Variants in YEATS2 observed in about 807,000 individuals in gnomAD.
YEATS2 encodes YEATS domain-containing protein 2.
YEATS2 carries 77 observed loss-of-function variants against 163.2 expected under a neutral mutation model. The observed-to-expected ratio is 0.47, with a 90% CI of 0.39 to 0.57. The LOEUF is 0.57. Ranked by LOEUF, YEATS2 falls within the 20% of genes least tolerant of loss-of-function variation. The pLI is 0.00. For synonymous variants in YEATS2, 631 were observed against 645.1 expected (o/e 0.98, Z 0.33); for missense variants, 1,549 against 1,729.8 (o/e 0.90, Z 1.85).
chr3:183,800,372 A>T, intron 23 of YEATS2, 94 bp from the exon 24 acceptor site: 3 of 855,106 alleles, frequency 3.5e-6, no homozygotes, highest in Non-Finnish European at 5.6e-6. Context: ...CAGTTTCCTT[A>T]CTGAGCTTCA....
At position 183,810,664 on chromosome 3, in the gene YEATS2, G is replaced by A. The variant is rs1726720594; in HGVS notation, c.*81G>A. On this transcript the variant is annotated 3_prime_UTR_variant, in exon 31 of 31. Transcript: ENST00000305135. ...GAGGACCCTGCTGCTCGGGAAGGAG[G>A]TGGTTTCCAGTGTGACTCGGCATGT... 2.3e-6 allele frequency: 3 copies of A among 1,310,076 alleles called. No homozygotes were observed. The highest frequency in any genetic ancestry group is 1.2e-5 in the South Asian group (1 of 80,008). 81.2% of individuals were successfully genotyped at this position (1,310,076 alleles called of 1,614,324 possible). A position where few individuals can be genotyped will look rare whatever the true frequency, so the allele number is the denominator to read the frequency against.
chr3:183,770,349 C>CT, intron 15 of YEATS2, among the ~76,000 whole-genome samples: 4 of 152,042 alleles, frequency 2.6e-5, no homozygotes, highest in Admixed American at 2.6e-4. Flanking sequence ...GCGCCACTTC[C>CT]TGGGTGACAG....
rs909412934 is a variant in YEATS2, at chr3:183,751,953, C to T, written c.970-120C>T. On this transcript the variant is annotated intron_variant, in intron 9 of 30. Transcript: ENST00000305135. ...CTTTAGTTCTTCAGATTGAAATTGC[C>T]TTTGAAGTGTGATTAGAAGTTATCT... 9 of 1,119,854 alleles carry T rather than the reference C, an allele frequency of 8.0e-6. No homozygotes were observed. In the Admixed American group the frequency reaches 1.4e-4, roughly 17 times the overall value. 69.4% of individuals were successfully genotyped at this position (1,119,854 alleles called of 1,614,324 possible).
In YEATS2 at chr3:183,803,246, T is replaced by C; in HGVS notation, c.3503-10T>C. 1.2e-6 allele frequency: 2 copies of C among 1,611,146 alleles called. No individual in the cohort carries two copies. The highest frequency in any genetic ancestry group is 1.7e-6 in the Non-Finnish European group (2 of 1,179,638). On this transcript the variant is annotated splice_polypyrimidine_tract_variant and intron_variant, in intron 25 of 30. Transcript: ENST00000305135. ...CTTTATTCAGGCTTTGCTGGGTGTG[T>C]GCATTCTAGGTGAAGATGCCAGCTG...
Position 183,738,840 on chromosome 3 carries a change from G to A in YEATS2, c.924+2011G>A, listed in dbSNP as rs1451975106. Reference sequence around the variant, plus strand: ...GGGTTGGTTCCAAGTCTTTGCTATTGTGAATAATGCCGCAATAAACATACG... The same window carrying A: ...GGGTTGGTTCCAAGTCTTTGCTATTATGAATAATGCCGCAATAAACATACG... On this transcript the variant is annotated intron_variant, in intron 8 of 30. Coordinates refer to ENST00000305135, the MANE Select transcript of YEATS2 (RefSeq NM_018023.5). 6.1e-5 allele frequency among the ~76,000 whole-genome samples: 8 copies of A among 131,428 alleles called. 1 individual carries two copies. The highest frequency in any genetic ancestry group is 5.0e-4 in the Admixed American group (6 of 11,958). The allele number at this position is 131,428 out of a possible 152,430, so 86.2% of individuals were successfully genotyped here.
chr3:183,798,501 G>A (rs1418807246), intron 22 of YEATS2, among the ~76,000 whole-genome samples: 2 of 152,060 alleles, frequency 1.3e-5, no homozygotes, highest in Admixed American at 1.3e-4. Context: ...CTACAGGCGC[G>A]TGCCACCACG....
chr3:183,768,091 T>C (rs1385623832), intron 15 of YEATS2, among the ~76,000 whole-genome samples: 1 of 152,230 alleles, frequency 6.6e-6, no homozygotes, highest in Non-Finnish European at 1.5e-5. Flanking sequence ...AGAGAAAAGT[T>C]CAACTACTGC....
chr3:183,804,199 A>G lies in YEATS2; in HGVS notation c.3784+11A>G. 6.2e-7 allele frequency: 1 copy of G among 1,614,092 alleles called. No individual in the cohort carries two copies. ...TCGACAGCGAGCCCGGTAAGCCTTC[A>G]GTGGCACTGCCCAGAGCGCCTGGCA... is the stretch of plus-strand genomic sequence containing the variant. On this transcript the variant is annotated intron_variant, in intron 27 of 30. Transcript: ENST00000305135.
chr3:183,787,816 G>A (rs1376635620), intron 20 of YEATS2, among the ~76,000 whole-genome samples: 1 of 151,686 alleles, frequency 6.6e-6, no homozygotes, highest in African/African-American at 2.4e-5. Context: ...CTAACAAGGT[G>A]AAACCCCCGT....
At chr3:183,738,020 T>A (rs1437037887) in intron 8 of YEATS2, among the ~76,000 whole-genome samples, 7 of 152,150 alleles carry the variant, frequency 4.6e-5, no homozygotes, top group Non-Finnish European at 1.0e-4. Flanking sequence ...TCTGTTTTGA[T>A]GATCCTGTGA....
At chr3:183,705,030 A>G (rs1385631121) in intron 1 of YEATS2, among the ~76,000 whole-genome samples, 2 of 151,894 alleles carry the variant, frequency 1.3e-5, no homozygotes, top group South Asian at 2.1e-4. Flanking sequence ...ATATATATCT[A>G]TATCATCTTT....
At chr3:183,752,003 T>TG (rs1351332224) in intron 9 of YEATS2, 70 bp from the exon 10 acceptor site, 13 of 1,550,468 alleles carry the variant, frequency 8.4e-6, no homozygotes, top group African/African-American at 1.4e-5. Context: ...ATTACATTCT[T>TG]GGACGGGACT....
chr3:183,787,838 A>G (rs2108466629), intron 20 of YEATS2, among the ~76,000 whole-genome samples: 1 of 152,028 alleles, frequency 6.6e-6, no homozygotes, highest in South Asian at 2.1e-4. Context: ...TCTACTAAAA[A>G]TACAAAAAAA....
At chr3:183,762,495 C>G (rs953864204) in intron 15 of YEATS2, among the ~76,000 whole-genome samples, 3 of 152,130 alleles carry the variant, frequency 2.0e-5, no homozygotes, top group Non-Finnish European at 4.4e-5. Context: ...GCAAAGGATC[C>G]CGGAATGGGC....
At chr3:183,807,746 G>T in intron 28 of YEATS2, 1 of 348,564 alleles carries the variant, frequency 2.9e-6, no homozygotes, top group Non-Finnish European at 5.3e-6. Context: ...TTGCGTATCA[G>T]AACCCAGGCA....
chr3:183,719,663 T>G (rs1384318396), intron 4 of YEATS2, among the ~76,000 whole-genome samples: 2 of 152,066 alleles, frequency 1.3e-5, no homozygotes, highest in African/African-American at 4.8e-5. Context: ...AGTTCTACTT[T>G]TTGTTTTCTT....
intron 24 of YEATS2, 26 bp downstream of exon 24, chr3:183,800,594 G>A: frequency 6.3e-7 from 1 of 1,595,048 alleles, no homozygotes; most frequent in Non-Finnish European, 8.6e-7. Context: ...TTTCCTAAAG[G>A]AATTCCGCTT....
Position 183,762,295 on chromosome 3 carries a change from A to T in YEATS2, c.1947+16A>T, listed in dbSNP as rs917924688. 5.8e-6 allele frequency: 9 copies of T among 1,554,424 alleles called. No homozygotes were observed. The highest frequency in any genetic ancestry group is 7.8e-6 in the Non-Finnish European group (9 of 1,151,690). ...GCCCTCCAAGGTTTGTGTTGGGTAGAGATGGGAAATTTCACATGTAAATGA... is the reference window on the plus strand; with the variant it reads ...GCCCTCCAAGGTTTGTGTTGGGTAGTGATGGGAAATTTCACATGTAAATGA... On this transcript the variant is annotated intron_variant, in intron 15 of 30. Coordinates refer to ENST00000305135, the MANE Select transcript of YEATS2 (RefSeq NM_018023.5).
At chr3:183,707,224 C>A (rs764828748) in intron 1 of YEATS2, among the ~76,000 whole-genome samples, 1 of 152,190 alleles carries the variant, frequency 6.6e-6, no homozygotes, top group African/African-American at 2.4e-5. Flanking sequence ...CATTCCTCTT[C>A]CCAGTCAGTC....
Sources: gnomAD v4.1 joint callset for allele counts (sites outside exome capture counted in the v4.1 genomes callset) on GRCh38, gnomAD v4.1.1 for gene constraint, MANE v1.5 for transcripts, NCBI Gene and HGNC (gene_info 2026-07-23, HGNC 2026-07-21) for gene names.